SLIT3: variants seen among roughly 807,000 people sequenced by gnomAD.
The protein encoded by SLIT3 is slit homolog 3 protein.
Under a neutral mutation model 184.0 loss-of-function variants are expected in SLIT3, and 68 were observed. That is an observed-to-expected ratio of 0.37 (90% CI 0.30 to 0.45). The LOEUF (loss-of-function observed/expected upper bound fraction) is 0.45. Among genes scored for constraint, SLIT3 ranks in the 20% least tolerant of loss-of-function variants. SLIT3 has a pLI of 1.00. For synonymous variants in SLIT3, 831 were observed against 828.6 expected (o/e 1.00, Z -0.05); for missense variants, 1,707 against 2,026.0 (o/e 0.84, Z 3.02).
intron 3 of SLIT3, among the ~76,000 whole-genome samples, chr5:169,232,799 T>C (rs1298525307): frequency 6.6e-6 from 1 of 152,224 alleles, no homozygotes; most frequent in African/African-American, 2.4e-5. Context: ...ATCATCTTAA[T>C]TTCCACAACA....
At chr5:169,022,259 G>C (rs747091314) in intron 4 of SLIT3, 4 of 152,208 alleles carry the variant, frequency 2.6e-5, no homozygotes, top group African/African-American at 9.6e-5. Context: ...TTGTGCCCTC[G>C]AGAATTGTAG....
At chr5:168,758,017 C>T (rs964969027) in intron 16 of SLIT3, among the ~76,000 whole-genome samples, 2 of 152,214 alleles carry the variant, frequency 1.3e-5, no homozygotes, top group African/African-American at 4.8e-5. Context: ...GCCCATTTTC[C>T]TTCCACACCG....
intron 5 of SLIT3, among the ~76,000 whole-genome samples, chr5:168,879,641 G>A (rs1434925315): frequency 1.3e-5 from 2 of 152,138 alleles, no homozygotes; most frequent in Admixed American, 6.5e-5. Flanking sequence ...GGAAGCTGAG[G>A]ACCAGAGACA....
intron 3 of SLIT3, among the ~76,000 whole-genome samples, chr5:169,210,304 G>A (rs1764218277): frequency 6.6e-6 from 1 of 151,800 alleles, no homozygotes; most frequent in Non-Finnish European, 1.5e-5. Context: ...GATTTCAGAG[G>A]GCAAATAAAT....
intron 4 of SLIT3, among the ~76,000 whole-genome samples, chr5:168,912,114 T>G (rs1227325497): frequency 6.6e-6 from 1 of 152,194 alleles, no homozygotes; most frequent in African/African-American, 2.4e-5. Context: ...GACGGAGGTT[T>G]TTATGATGAC....
At chr5:168,770,352 G>C (rs1233198891) in intron 14 of SLIT3, among the ~76,000 whole-genome samples, 3 of 152,272 alleles carry the variant, frequency 2.0e-5, no homozygotes, top group African/African-American at 7.2e-5. Flanking sequence ...TTTTCAATGG[G>C]GGTGCTTTTA....
intron 4 of SLIT3, among the ~76,000 whole-genome samples, chr5:169,110,790 C>T (rs758250748): frequency 2.0e-5 from 3 of 152,138 alleles, no homozygotes; most frequent in African/African-American, 4.8e-5. Flanking sequence ...ATTTTTGCAG[C>T]GTAGCTCACC....
intron 4 of SLIT3, among the ~76,000 whole-genome samples, chr5:169,099,853 T>G (rs912917159): frequency 6.6e-6 from 1 of 152,190 alleles, no homozygotes; most frequent in Non-Finnish European, 1.5e-5. Context: ...AAGGAAAAGA[T>G]AACATCTAAG....
At chr5:168,930,269 T>C (rs1263601538) in intron 4 of SLIT3, among the ~76,000 whole-genome samples, 1 of 152,192 alleles carries the variant, frequency 6.6e-6, no homozygotes, top group African/African-American at 2.4e-5. Context: ...GGGAGAGCCA[T>C]ACGCTGTAAG....
chr5:169,251,058 A>T (rs1296530123), intron 2 of SLIT3, among the ~76,000 whole-genome samples: 2 of 152,098 alleles, frequency 1.3e-5, no homozygotes, highest in Admixed American at 6.6e-5. Flanking sequence ...AGAAGAAATT[A>T]TCATCTCTAT....
At chr5:168,810,313 CA>C (rs759376897) in intron 8 of SLIT3, among the ~76,000 whole-genome samples, 1 of 152,242 alleles carries the variant, frequency 6.6e-6, no homozygotes, top group East Asian at 1.9e-4. Flanking sequence ...TCTTGTACAG[CA>C]TGCTCTTATG....
intron 4 of SLIT3, among the ~76,000 whole-genome samples, chr5:169,184,380 G>T (rs561692664): frequency 1.3e-5 from 2 of 152,344 alleles, no homozygotes; most frequent in African/African-American, 4.8e-5. Context: ...TGAAACTCAA[G>T]CCCAGTTTCC....
chr5:168,844,897 T>C, intron 5 of SLIT3: 6 of 46,712 alleles, frequency 1.3e-4, no homozygotes, highest in South Asian at 8.0e-4. Context: ...TAATTGCGCA[T>C]TTTTTTTTTT....
At position 168,737,387 on chromosome 5, in the gene SLIT3, A is replaced by C. The variant is rs1204393884; in HGVS notation, c.2270+10915T>G. ...GCCACACTCACTCTCAGAGAGTTGC[A>C]TCTCAGCCCTGTGCCCTCCTACCTC... On this transcript the variant is annotated intron_variant, in intron 20 of 35. Transcript: ENST00000519560. Among the ~76,000 whole-genome samples, 3 of 152,144 alleles carry C rather than the reference A, an allele frequency of 2.0e-5. No homozygotes were observed. In the East Asian group the frequency reaches 5.8e-4, roughly 29 times the overall value.
intron 4 of SLIT3, among the ~76,000 whole-genome samples, chr5:168,907,479 G>C (rs552790066): frequency 6.6e-6 from 1 of 152,334 alleles, no homozygotes; most frequent in South Asian, 2.1e-4. Flanking sequence ...GGAAGGTAGT[G>C]TGTGACCATG....
chr5:169,146,716 G>A (rs1444118694), intron 4 of SLIT3, among the ~76,000 whole-genome samples: 1 of 152,140 alleles, frequency 6.6e-6, no homozygotes, highest in Non-Finnish European at 1.5e-5. Context: ...AGCTCACAGA[G>A]CCCCCCTTCT....
intron 4 of SLIT3, among the ~76,000 whole-genome samples, chr5:168,903,297 C>A (rs562270005): frequency 6.6e-6 from 1 of 152,316 alleles, no homozygotes; most frequent in East Asian, 1.9e-4. Context: ...AAGGAATTCA[C>A]AAGCAGCCAG....
intron 4 of SLIT3, among the ~76,000 whole-genome samples, chr5:169,136,457 T>C (rs1012833598): frequency 6.6e-6 from 1 of 151,978 alleles, no homozygotes; most frequent in Admixed American, 6.6e-5. Flanking sequence ...AGGGTGGAGG[T>C]GGTGGCCAGA....
intron 4 of SLIT3, among the ~76,000 whole-genome samples, chr5:168,886,871 C>A (rs1018877056): frequency 2.6e-5 from 4 of 152,110 alleles, no homozygotes; most frequent in African/African-American, 9.7e-5. Context: ...CTGATTATTC[C>A]ATCCAAAAAC....
Sources: gnomAD v4.1 joint callset for allele counts (sites outside exome capture counted in the v4.1 genomes callset) on GRCh38, gnomAD v4.1.1 for gene constraint, MANE v1.5 for transcripts, NCBI Gene and HGNC (gene_info 2026-07-23, HGNC 2026-07-21) for gene names.